The following PTPN13 variants were observed in gnomAD, a reference collection of about 807,000 sequenced individuals.
The protein encoded by PTPN13 is tyrosine-protein phosphatase non-receptor type 13.
A neutral mutation model predicts 284.0 loss-of-function variants in PTPN13; 191 were observed. That is an observed-to-expected ratio of 0.67 (90% CI 0.60 to 0.76). The LOEUF (loss-of-function observed/expected upper bound fraction) is 0.76, where lower values mean the gene tolerates loss of function less well. Ranked by LOEUF, PTPN13 falls within the 30% of genes least tolerant of loss-of-function variation. The pLI is 0.00. For synonymous variants in PTPN13, 986 were observed against 1,022.3 expected (o/e 0.96, Z 0.68); for missense variants, 2,797 against 2,939.9 (o/e 0.95, Z 1.12).
rs1260713864 is a variant in PTPN13, at chr4:86,741,661, G to A, written c.2332G>A (p.Val778Ile). Residue 778 changes from valine (V) to isoleucine (I), a missense_variant, in exon 16 of 48, where the codon GTT (valine) becomes ATT (isoleucine). Physicochemically the swap from Val to Ile is conservative, Grantham distance 29. Transcript: ENST00000411767. Reference protein sequence around the residue: ...KVCQRLTEYGVHFHRVHPEKK... With the variant: ...KVCQRLTEYGIHFHRVHPEKK... ...CTGCCAAAGACTGACAGAATATGGA[G>A]TTCATTTTCACCGAGTGCACCCTGA... 2.5e-6 allele frequency: 4 copies of A among 1,613,610 alleles called. No individual in the cohort carries two copies. The highest frequency in any genetic ancestry group is 3.4e-6 in the Non-Finnish European group (4 of 1,179,640).
Position 86,809,891 on chromosome 4 carries a change from C to A in PTPN13, c.7206C>A (p.Gly2402=). The A allele has an allele frequency of 6.2e-7, 1 of 1,613,980 alleles. No individual in the cohort carries two copies. Among genetic ancestry groups the A allele is most frequent in the Non-Finnish European group, 8.5e-7 (1 of 1,179,876 alleles). Residue 2402 remains glycine (G), a synonymous_variant, in exon 46 of 48, where the codon GGC becomes GGA. Coordinates refer to ENST00000411767, the MANE Select transcript of PTPN13 (RefSeq NM_080683.3). The stretch of plus-strand genomic sequence containing the variant: ...ACATGAGACACATCCACAGATCAGG[C>A]CCAATCATTACGCACTGCAGTGCTG... ...ISYMRHIHRS[G]PIITHCSAGI...
At chr4:86,681,140 A>G (rs1317199943) in intron 3 of PTPN13, among the ~76,000 whole-genome samples, 15 of 152,182 alleles carry the variant, frequency 9.9e-5, no homozygotes, top group Non-Finnish European at 1.5e-5. Context: ...GTCTCAGCTT[A>G]ATACCCCTCT....
intron 1 of PTPN13, among the ~76,000 whole-genome samples, chr4:86,630,853 G>A (rs1322224824): frequency 6.6e-6 from 1 of 152,110 alleles, no homozygotes; most frequent in Non-Finnish European, 1.5e-5. Context: ...TCACTGGTAT[G>A]TACTAGCTGT....
chr4:86,612,283 TAATC>T (rs1007054596), intron 1 of PTPN13, among the ~76,000 whole-genome samples: 8 of 152,242 alleles, frequency 5.3e-5, no homozygotes, highest in Admixed American at 1.3e-4. Flanking sequence ...GAGAAGATAA[TAATC>T]ATAACTGTCT....
intron 3 of PTPN13, among the ~76,000 whole-genome samples, chr4:86,680,731 A>G (rs1270911446): frequency 6.6e-6 from 1 of 152,160 alleles, no homozygotes; most frequent in African/African-American, 2.4e-5. Context: ...AAATCTCTCC[A>G]GAGTCTGGTC....
At chr4:86,701,143 T>G in intron 6 of PTPN13, 98 bp from the exon 7 acceptor site, 4 of 886,480 alleles carry the variant, frequency 4.5e-6, no homozygotes, top group Non-Finnish European at 5.0e-6. Flanking sequence ...TTTGGAGCAT[T>G]TAGGAAATTG....
At chr4:86,638,941 G>A (rs536246898) in intron 2 of PTPN13, among the ~76,000 whole-genome samples, 1,733 of 152,054 alleles carry the variant, frequency 0.011, 10 homozygotes, top group Non-Finnish European at 0.013. Context: ...TCTGACAAAG[G>A]GCTAATATCC....
Position 86,669,001 on chromosome 4 carries a change from T to C in PTPN13, c.116-3364T>C, listed in dbSNP as rs114266710. 5.7e-3 allele frequency among the ~76,000 whole-genome samples: 864 copies of C among 151,866 alleles called. 7 individuals carry two copies. The highest frequency in any genetic ancestry group is 0.019 in the African/African-American group (768 of 41,488). On this transcript the variant is annotated intron_variant, in intron 2 of 47. Coordinates refer to ENST00000411767, the MANE Select transcript of PTPN13 (RefSeq NM_080683.3). Reference sequence around the variant, plus strand: ...ATTTCTCTGCCCAAAATTCTTGCTGTTCCTTGTACAAACTTAGTAACTTCC... The same window carrying C: ...ATTTCTCTGCCCAAAATTCTTGCTGCTCCTTGTACAAACTTAGTAACTTCC...
At chr4:86,791,345 G>A (rs746648049) in intron 40 of PTPN13, among the ~76,000 whole-genome samples, 7 of 152,168 alleles carry the variant, frequency 4.6e-5, no homozygotes, top group Non-Finnish European at 8.8e-5. Context: ...CAAAGCGGCC[G>A]GGAAGCTTGA....
chr4:86,688,985 T>C lies in PTPN13; in HGVS notation c.361-20T>C, dbSNP rs749240320. The C allele has an allele frequency of 6.6e-7, 1 of 1,526,618 alleles. No individual in the cohort carries two copies. Among genetic ancestry groups the C allele is most frequent in the African/African-American group, 1.4e-5 (1 of 72,962 alleles). The allele number at this position is 1,526,618 out of a possible 1,614,324, so 94.6% of individuals were successfully genotyped here. On this transcript the variant is annotated intron_variant, in intron 4 of 47. Coordinates refer to ENST00000411767, the MANE Select transcript of PTPN13 (RefSeq NM_080683.3). The stretch of plus-strand genomic sequence containing the variant: ...ATTTGCTCACATTTACTCACTGGCT[T>C]TTCCTTTATTTATATTCAGCCTATT...
At chr4:86,709,088 AAC>A (rs1045418786) in intron 7 of PTPN13, among the ~76,000 whole-genome samples, 1 of 150,878 alleles carries the variant, frequency 6.6e-6, no homozygotes, top group African/African-American at 2.4e-5. Flanking sequence ...CACACACACA[AAC>A]ACACACTTGT....
At chr4:86,614,049 G>A (rs1578253955) in intron 1 of PTPN13, among the ~76,000 whole-genome samples, 1 of 152,066 alleles carries the variant, frequency 6.6e-6, no homozygotes, top group East Asian at 1.9e-4. Context: ...AAGGGTAAGG[G>A]GCTCAGAGAT....
In PTPN13 at chr4:86,750,588, A is replaced by C. The variant is rs1209150412; in HGVS notation, c.2769A>C (p.Arg923=). The change falls in exon 18 of 48, where the codon CGA becomes CGC. Residue 923 remains arginine (R), a synonymous_variant. Coordinates refer to ENST00000411767, the MANE Select transcript of PTPN13 (RefSeq NM_080683.3). ...ASSTLNKLAV[R]PLSVQAEILK... ...GCACCCTCAACAAACTTGCTGTTCG[A>C]CCTTTATCAGTTCAAGCTGAGATTC... is the stretch of plus-strand genomic sequence containing the variant. The C allele has an allele frequency of 1.9e-6, 3 of 1,613,784 alleles. No individual in the cohort carries two copies. The highest frequency in any genetic ancestry group is 1.7e-6 in the Non-Finnish European group (2 of 1,179,870).
chr4:86,707,707 G>GA (rs949328470), intron 7 of PTPN13, among the ~76,000 whole-genome samples: 3 of 151,576 alleles, frequency 2.0e-5, no homozygotes, highest in African/African-American at 4.8e-5. Flanking sequence ...TGAATAGCAA[G>GA]AAAAAAATGA....
rs1338813449 is a variant in PTPN13, at chr4:86,770,182, A to G, written c.4786A>G (p.Ile1596Val). 6.2e-7 allele frequency: 1 copy of G among 1,613,474 alleles called. No individual in the cohort carries two copies. The highest frequency in any genetic ancestry group is 8.5e-7 in the Non-Finnish European group (1 of 1,179,664). ...CRPPPGVLPE[I>V]DTALLTPLQS... The stretch of plus-strand genomic sequence containing the variant: ...ACCTCCACCTGGTGTGCTACCGGAA[A>G]TTGATACTGCGCTTTTGGTGAGACT... The change falls in exon 30 of 48, where the codon ATT (isoleucine) becomes GTT (valine). Residue 1596 changes from isoleucine to valine, a missense_variant. Transcript: ENST00000411767.
chr4:86,758,591 C>A (rs1414552626), intron 21 of PTPN13, 87 bp from the exon 22 acceptor site: 3 of 1,148,214 alleles, frequency 2.6e-6, no homozygotes, highest in South Asian at 1.3e-5. Flanking sequence ...TATCAATAGT[C>A]CCCACATTTC....
At chr4:86,657,884 G>A (rs1360236296) in intron 2 of PTPN13, among the ~76,000 whole-genome samples, 3 of 152,302 alleles carry the variant, frequency 2.0e-5, no homozygotes, top group Middle Eastern at 6.8e-3. Flanking sequence ...CATAGAAGAT[G>A]TCTCCCCAAG....
At chr4:86,650,738 G>A (rs368959639) in intron 2 of PTPN13, among the ~76,000 whole-genome samples, 18 of 152,278 alleles carry the variant, frequency 1.2e-4, no homozygotes, top group African/African-American at 4.3e-4. Context: ...CATTGGTATA[G>A]AAATGCTACT....
chr4:86,714,569 T>A (rs1211055501), intron 7 of PTPN13, among the ~76,000 whole-genome samples: 1 of 152,134 alleles, frequency 6.6e-6, no homozygotes, highest in Non-Finnish European at 1.5e-5. Context: ...AACCTCTTTT[T>A]GCTTCCCAAA....
Sources: gnomAD v4.1 joint callset for allele counts (sites outside exome capture counted in the v4.1 genomes callset) on GRCh38, gnomAD v4.1.1 for gene constraint, MANE v1.5 for transcripts, NCBI Gene and HGNC (gene_info 2026-07-23, HGNC 2026-07-21) for gene names.